Variants in RALY observed in about 807,000 individuals in gnomAD.
The protein encoded by RALY is RNA-binding protein Raly.
A neutral mutation model predicts 30.7 loss-of-function variants in RALY; 15 were observed. That is an observed-to-expected ratio of 0.49 (90% CI 0.33 to 0.75). RALY has a LOEUF of 0.75. Among genes scored for constraint, RALY ranks in the 30% least tolerant of loss-of-function variants. The probability of loss-of-function intolerance (pLI) is 0.02; values close to 1 mark genes in which losing one functional copy is unlikely to be tolerated. For synonymous variants in RALY, 177 were observed against 170.8 expected (o/e 1.04, Z -0.28); for missense variants, 339 against 414.3 (o/e 0.82, Z 1.58).
At position 34,012,766 on chromosome 20, in the gene RALY, C is replaced by T. The variant is rs551200386; in HGVS notation, c.-93+18635C>T. Among the ~76,000 whole-genome samples the T allele has an allele frequency of 2.0e-5, 3 of 152,364 alleles. No homozygotes were observed. The South Asian group carries it at 6.2e-4, about 32-fold the overall frequency. ...AAACTCTGGCCTTGGCCGCAAGGCT[C>T]ATGCAGTCTGGTGCCATATCACTTT... On this transcript the variant is annotated intron_variant, in intron 1 of 9. Coordinates refer to ENST00000246194, the MANE Select transcript of RALY (RefSeq NM_016732.3).
At chr20:34,014,898 A>C (rs1337630198) in intron 1 of RALY, 3 of 152,230 alleles carry the variant, frequency 2.0e-5, no homozygotes, top group Non-Finnish European at 4.4e-5. Context: ...TCTAAATTTA[A>C]CATGAAATAC....
intron 1 of RALY, among the ~76,000 whole-genome samples, chr20:34,012,533 T>A (rs2031447494): frequency 6.6e-6 from 1 of 152,072 alleles, no homozygotes; most frequent in Admixed American, 6.5e-5. Flanking sequence ...CCACCCGCCA[T>A]CCTTTGTTTT....
At chr20:34,049,506 A>C (rs2033005766) in intron 2 of RALY, among the ~76,000 whole-genome samples, 1 of 152,150 alleles carries the variant, frequency 6.6e-6, no homozygotes, top group South Asian at 2.1e-4. Context: ...CTGCTGTAAG[A>C]AGTCAGAATT....
In RALY at chr20:34,072,236, C is replaced by A; in HGVS notation, c.162C>A (p.His54Gln). Residue 54 changes from histidine (H) to glutamine (Q), a missense_variant, in exon 3 of 10, where the codon CAC (histidine) becomes CAA (glutamine). This residue lies in a region of RALY where 71 missense variants were observed against 133.7 expected (regional missense o/e 0.53). Transcript: ENST00000246194. The stretch of plus-strand genomic sequence containing the variant: ...GCCGTGTGGCCGGCTGTTCTGTGCA[C>A]AAGGGCTATGCCTTTGTTCAGTACT... ...KYGRVAGCSV[H>Q]KGYAFVQYSN... 6.2e-7 allele frequency: 1 copy of A among 1,614,238 alleles called. No homozygotes were observed. The highest frequency in any genetic ancestry group is 8.5e-7 in the Non-Finnish European group (1 of 1,180,054).
intron 1 of RALY, among the ~76,000 whole-genome samples, chr20:34,004,721 C>A (rs2031081610): frequency 6.6e-6 from 1 of 152,174 alleles, no homozygotes; most frequent in Non-Finnish European, 1.5e-5. Context: ...GAAATTAATC[C>A]AGTAAACAGT....
Position 34,077,133 on chromosome 20 carries a change from C to T in RALY, c.764C>T (p.Pro255Leu), listed in dbSNP as rs761839645. 1 of 1,611,096 alleles carries T rather than the reference C, an allele frequency of 6.2e-7. No individual in the cohort carries two copies. Among genetic ancestry groups the T allele is most frequent in the East Asian group, 2.2e-5 (1 of 44,810 alleles). ...GGGGGGGSSR[P>L]PAPQENTTSE... ...GGCGGTGGCGGTGGCAGCAGCCGGC[C>T]ACCAGCCCCCCAAGAGAACACAACT... The change falls in exon 8 of 10, where the codon CCA becomes CTA. Residue 255 changes from proline (P) to leucine (L), a missense_variant. By Grantham distance (98) the Pro-to-Leu change is moderately conservative (BLOSUM62 -3). Coordinates refer to ENST00000246194, the MANE Select transcript of RALY (RefSeq NM_016732.3).
chr20:34,037,479 C>T (rs1344753388), intron 2 of RALY, among the ~76,000 whole-genome samples: 7 of 152,184 alleles, frequency 4.6e-5, no homozygotes, highest in Non-Finnish European at 1.0e-4. Context: ...TTGCCTGTTA[C>T]AACTGAAATT....
At chr20:34,021,811 G>C (rs562759515) in intron 1 of RALY, among the ~76,000 whole-genome samples, 1 of 152,150 alleles carries the variant, frequency 6.6e-6, no homozygotes, top group East Asian at 1.9e-4. Flanking sequence ...TCATCAGTCA[G>C]ATCTTCCTCA....
intron 8 of RALY, 123 bp from the exon 9 acceptor site, chr20:34,078,382 G>A (rs145218985): frequency 1.1e-5 from 9 of 813,502 alleles, no homozygotes; most frequent in South Asian, 7.3e-5. Context: ...CTGTTCCTGC[G>A]TCTTCTGACT....
intron 2 of RALY, among the ~76,000 whole-genome samples, chr20:34,062,741 C>T (rs192647986): frequency 7.4e-4 from 112 of 152,346 alleles, no homozygotes; most frequent in African/African-American, 2.4e-3. Flanking sequence ...TCACAGCTGA[C>T]AAACCCTTTG....
At chr20:34,008,231 CT>C (rs914599247) in intron 1 of RALY, among the ~76,000 whole-genome samples, 3 of 151,982 alleles carry the variant, frequency 2.0e-5, no homozygotes, top group Non-Finnish European at 1.5e-5. Flanking sequence ...GGCAGCTACT[CT>C]TTTTTTTCTC....
At chr20:34,016,728 A>T (rs949744454) in intron 1 of RALY, 1 of 152,258 alleles carries the variant, frequency 6.6e-6, no homozygotes, top group African/African-American at 2.4e-5. Flanking sequence ...CTAAAATTTC[A>T]TGCTGCTTTA....
intron 1 of RALY, among the ~76,000 whole-genome samples, chr20:33,998,772 A>G (rs773503867): frequency 2.0e-5 from 3 of 152,122 alleles, no homozygotes; most frequent in Non-Finnish European, 2.9e-5. Context: ...GGAGGTTGGC[A>G]AGAGGTGATG....
At chr20:34,066,696 C>CTTT (rs11167226) in intron 2 of RALY, among the ~76,000 whole-genome samples, 1 of 146,774 alleles carries the variant, frequency 6.8e-6, no homozygotes, top group Non-Finnish European at 1.5e-5. Context: ...GCCTGGGGCT[C>CTTT]TTTTTTTTTT....
At chr20:34,076,563 C>A in intron 6 of RALY, 139 bp from the exon 7 acceptor site, 1 of 698,050 alleles carries the variant, frequency 1.4e-6, no homozygotes, top group Non-Finnish European at 2.4e-6. Flanking sequence ...AAGGAGGAGA[C>A]CTTTTTCCTA....
At chr20:34,057,448 A>C (rs904178890) in intron 2 of RALY, among the ~76,000 whole-genome samples, 1 of 152,152 alleles carries the variant, frequency 6.6e-6, no homozygotes, top group South Asian at 2.1e-4. Flanking sequence ...CGGGCGGATC[A>C]CGAGGTCAGG....
At chr20:34,078,191 A>G (rs2033948331) in intron 8 of RALY, among the ~76,000 whole-genome samples, 1 of 152,266 alleles carries the variant, frequency 6.6e-6, no homozygotes, top group Non-Finnish European at 1.5e-5. Flanking sequence ...GGATGCCCCC[A>G]GAGATGGGGA....
chr20:34,012,251 A>T (rs1438653923), intron 1 of RALY, among the ~76,000 whole-genome samples: 3 of 152,042 alleles, frequency 2.0e-5, no homozygotes. Context: ...CCCTATCATC[A>T]TGAGGTGGCG....
At chr20:34,047,519 C>G (rs1442621841) in intron 2 of RALY, among the ~76,000 whole-genome samples, 2 of 152,210 alleles carry the variant, frequency 1.3e-5, no homozygotes, top group African/African-American at 4.8e-5. Flanking sequence ...CCTAATGTGT[C>G]TATGGCTGAC....
Sources: allele counts gnomAD v4.1 joint callset (sites outside exome capture counted in the v4.1 genomes callset), GRCh38; gene constraint gnomAD v4.1.1; regional missense constraint gnomAD v4.1.1; transcripts MANE v1.5; gene names NCBI Gene and HGNC (gene_info 2026-07-23, HGNC 2026-07-21).